EEFSEC: variants seen among roughly 807,000 people sequenced by gnomAD.
EEFSEC encodes eukaryotic elongation factor, selenocysteine-tRNA specific.
A neutral mutation model predicts 42.1 loss-of-function variants in EEFSEC; 43 were observed. The ratio of observed to expected loss-of-function variants is 1.02; its 90% CI spans 0.80 to 1.32. The LOEUF is 1.32. Among genes scored for constraint, EEFSEC ranks in the 40% most tolerant of loss-of-function variants. The pLI, the probability that EEFSEC is intolerant of heterozygous loss-of-function variation, is 0.00. For synonymous variants in EEFSEC, 354 were observed against 339.1 expected, an observed-to-expected ratio of 1.04 and a Z score of -0.48; for missense variants, 745 against 803.6, an observed-to-expected ratio of 0.93 and a Z score of 0.88.
intron 1 of EEFSEC, among the ~76,000 whole-genome samples, chr3:128,169,943 G>A (rs1269364697): frequency 1.3e-5 from 2 of 152,174 alleles, no homozygotes; most frequent in East Asian, 3.9e-4. Flanking sequence ...TGGGCTGAAG[G>A]CAATGCATGG....
At chr3:128,322,625 T>C (rs2067019901) in intron 4 of EEFSEC, among the ~76,000 whole-genome samples, 1 of 152,164 alleles carries the variant, frequency 6.6e-6, no homozygotes. Flanking sequence ...TGCCAGAACA[T>C]GTGAGATTGT....
chr3:128,332,364 G>C (rs559707906), intron 4 of EEFSEC, among the ~76,000 whole-genome samples: 2 of 152,306 alleles, frequency 1.3e-5, no homozygotes, highest in Admixed American at 6.5e-5. Flanking sequence ...TTCGATTTCA[G>C]ATTGTTTTGG....
At chr3:128,360,414 T>A (rs1309963484) in intron 6 of EEFSEC, among the ~76,000 whole-genome samples, 1 of 152,094 alleles carries the variant, frequency 6.6e-6, no homozygotes, top group Non-Finnish European at 1.5e-5. Flanking sequence ...TCCAGCTGGG[T>A]CGGGGGCCAT....
At chr3:128,153,950 C>G in intron 1 of EEFSEC, 127 bp downstream of exon 1, 12 of 1,336,298 alleles carry the variant, frequency 9.0e-6, no homozygotes, top group Non-Finnish European at 1.2e-5. Context: ...GGGCTCCTGA[C>G]GCCCCAAGAG....
At chr3:128,352,469 G>A (rs1331880988) in intron 5 of EEFSEC, among the ~76,000 whole-genome samples, 2 of 152,318 alleles carry the variant, frequency 1.3e-5, no homozygotes, top group African/African-American at 4.8e-5. Context: ...TGAGGCTGGC[G>A]TAGACAAGCC....
intron 4 of EEFSEC, among the ~76,000 whole-genome samples, chr3:128,293,668 A>AC (rs2066669743): frequency 2.6e-5 from 3 of 115,168 alleles, no homozygotes; most frequent in Non-Finnish European, 5.3e-5. Flanking sequence ...CTCAAAAAAA[A>AC]AAAAAAAAAA....
chr3:128,304,206 CA>C (rs571921453), intron 4 of EEFSEC, among the ~76,000 whole-genome samples: 166 of 151,432 alleles, frequency 1.1e-3, no homozygotes, highest in Non-Finnish European at 1.0e-3. Flanking sequence ...TTTTAATTGC[CA>C]AAAAATAATT....
intron 5 of EEFSEC, among the ~76,000 whole-genome samples, chr3:128,345,087 C>A (rs1301559521): frequency 6.6e-6 from 1 of 152,168 alleles, no homozygotes; most frequent in Admixed American, 6.5e-5. Context: ...AGCCTTACCA[C>A]CTGCTAGTGT....
At position 128,357,137 on chromosome 3, in the gene EEFSEC, A is replaced by G. The variant is rs151128598; in HGVS notation, c.1444-1080A>G. ...GCCCAAGTTTGCTACTGGAGGCAGG[A>G]TCTACAGAGCAGGGGTGGGGTGAGG... is the stretch of plus-strand genomic sequence containing the variant. On this transcript the variant is annotated intron_variant, in intron 5 of 6. Coordinates refer to ENST00000254730, the MANE Select transcript of EEFSEC (RefSeq NM_021937.5). Among the ~76,000 whole-genome samples, 121 of 152,314 alleles carry G rather than the reference A, an allele frequency of 7.9e-4. No homozygotes were observed. In the East Asian group the frequency reaches 0.019, roughly 24 times the overall value.
intron 6 of EEFSEC, chr3:128,367,761 A>G (rs2067607295): frequency 1.0e-6 from 1 of 985,394 alleles, no homozygotes; most frequent in Non-Finnish European, 1.2e-6. Flanking sequence ...GCCTGGCCAT[A>G]TCACTGGCTC....
chr3:128,328,490 C>T (rs1559922408), intron 4 of EEFSEC, among the ~76,000 whole-genome samples: 1 of 152,182 alleles, frequency 6.6e-6, no homozygotes, highest in Non-Finnish European at 1.5e-5. Flanking sequence ...CCATTGCATG[C>T]CTGCCCTTCC....
chr3:128,341,513 A>G lies in EEFSEC; in HGVS notation c.1067A>G (p.Asp356Gly). 1 of 1,614,136 alleles carries G rather than the reference A, an allele frequency of 6.2e-7. No homozygotes were observed. Among genetic ancestry groups the G allele is most frequent in the Admixed American group, 1.7e-5 (1 of 60,026 alleles). ...GRLMFFSPAP[D>G]NFDQEPILDS... ...TTGATGTTCTTCAGTCCTGCTCCAG[A>G]TAACTTTGACCAGGAGCCTATACTG... The change falls in exon 5 of 7, where the codon GAT becomes GGT. Residue 356 changes from aspartate to glycine, a missense_variant. Physicochemically the swap from Asp to Gly is moderately conservative, Grantham distance 94. Coordinates refer to ENST00000254730, the MANE Select transcript of EEFSEC (RefSeq NM_021937.5).
intron 4 of EEFSEC, among the ~76,000 whole-genome samples, chr3:128,281,908 T>C (rs1213150109): frequency 1.3e-5 from 2 of 152,182 alleles, no homozygotes; most frequent in Admixed American, 6.5e-5. Flanking sequence ...GTGGTGGTCG[T>C]GGGATCTGAG....
chr3:128,236,081 C>T (rs1419041717), intron 1 of EEFSEC, among the ~76,000 whole-genome samples: 1 of 152,230 alleles, frequency 6.6e-6, no homozygotes, highest in Non-Finnish European at 1.5e-5. Flanking sequence ...TCTCCTGTCT[C>T]AGGCTCCCGA....
intron 1 of EEFSEC, among the ~76,000 whole-genome samples, chr3:128,158,598 C>T (rs965978640): frequency 1.3e-5 from 2 of 152,208 alleles, no homozygotes; most frequent in African/African-American, 4.8e-5. Flanking sequence ...GTTCAGTAAT[C>T]ATTAGCATTT....
the EEFSEC span, among the ~76,000 whole-genome samples, chr3:128,416,108 G>A: frequency 1.3e-5 from 2 of 152,298 alleles, no homozygotes; most frequent in South Asian, 2.1e-4. Flanking sequence ...AAGGAGAGAC[G>A]GTTGCAGAGT....
chr3:128,267,894 T>A (rs968873857), intron 4 of EEFSEC, among the ~76,000 whole-genome samples: 2 of 152,220 alleles, frequency 1.3e-5, no homozygotes, highest in African/African-American at 4.8e-5. Context: ...GTTTTGAGAA[T>A]GTTATACCAG....
At chr3:128,246,084 G>A (rs565916620) in intron 1 of EEFSEC, among the ~76,000 whole-genome samples, 2 of 152,300 alleles carry the variant, frequency 1.3e-5, no homozygotes, top group African/African-American at 4.8e-5. Flanking sequence ...CGTTAAAAAG[G>A]AAACAGTCAC....
chr3:128,250,660 A>G (rs2066175604), intron 2 of EEFSEC, among the ~76,000 whole-genome samples: 1 of 152,182 alleles, frequency 6.6e-6, no homozygotes, highest in Non-Finnish European at 1.5e-5. Context: ...TAAGTTTCAA[A>G]GTCAGAAAGT....
Sources: allele counts gnomAD v4.1 joint callset (sites outside exome capture counted in the v4.1 genomes callset), GRCh38; gene constraint gnomAD v4.1.1; transcripts MANE v1.5; gene names NCBI Gene and HGNC (gene_info 2026-07-23, HGNC 2026-07-21).